The following STARD13 variants were observed in gnomAD, a reference collection of about 807,000 sequenced individuals.
STARD13 encodes stAR-related lipid transfer protein 13.
A neutral mutation model predicts 106.4 loss-of-function variants in STARD13; 62 were observed. The observed-to-expected ratio is 0.58, with a 90% CI of 0.48 to 0.72. STARD13 has a LOEUF of 0.72. Ranked by LOEUF, STARD13 falls within the 30% of genes least tolerant of loss-of-function variation. The pLI is 0.00. For missense variants in STARD13, 1,387 were observed against 1,424.0 expected, an observed-to-expected ratio of 0.97 and a Z score of 0.42; for synonymous variants, 565 against 553.0, an observed-to-expected ratio of 1.02 and a Z score of -0.31.
At chr13:33,218,459 C>T (rs552265606) in intron 1 of STARD13, among the ~76,000 whole-genome samples, 1 of 152,308 alleles carries the variant, frequency 6.6e-6, no homozygotes, top group Admixed American at 6.5e-5. Context: ...TCAATAAACC[C>T]TATGTCTCAT....
chr13:33,463,638 A>C, the STARD13 span, among the ~76,000 whole-genome samples: 1,979 of 152,284 alleles, frequency 0.013, 45 homozygotes, highest in African/African-American at 0.045. Context: ...CACTAGGGTA[A>C]CATAGTTGGA....
rs1201072502 is a variant in STARD13 at position 33,129,045 on chromosome 13, A to T, written c.1632T>A (p.Gly544=). The T allele has an allele frequency of 6.2e-7, 1 of 1,614,082 alleles. No individual in the cohort carries two copies. Among genetic ancestry groups the T allele is most frequent in the Non-Finnish European group, 8.5e-7 (1 of 1,180,018 alleles). Residue 544 remains glycine, a synonymous_variant, in exon 5 of 14, where the codon GGT becomes GGA. Transcript: ENST00000336934. ...LDFEGNSVSE[G]RTTPSDVERD... ...TTTCCACATCACTGGGTGTCGTCCG[A>T]CCTTCTGAGACAGAGTTACCTTCAA... is the stretch of plus-strand genomic sequence containing the variant.
chr13:33,196,883 G>A (rs1886661716), intron 1 of STARD13, among the ~76,000 whole-genome samples: 1 of 152,196 alleles, frequency 6.6e-6, no homozygotes, highest in Non-Finnish European at 1.5e-5. Context: ...GTGTAAAATT[G>A]TCTGGAAGAC....
intron 4 of STARD13, among the ~76,000 whole-genome samples, chr13:33,140,884 G>A (rs1053821326): frequency 9.3e-5 from 14 of 151,184 alleles, no homozygotes; most frequent in Non-Finnish European, 5.9e-5. Flanking sequence ...TCAGCCTCCC[G>A]ATTAGCTGGG....
intron 3 of STARD13, among the ~76,000 whole-genome samples, chr13:33,142,940 G>C (rs1282515947): frequency 6.6e-6 from 1 of 152,192 alleles, no homozygotes. Flanking sequence ...AAGTGATTAA[G>C]GGTAAAGGGG....
chr13:33,455,822 T>C, the STARD13 span, among the ~76,000 whole-genome samples: 4 of 152,004 alleles, frequency 2.6e-5, no homozygotes, highest in African/African-American at 9.7e-5. Flanking sequence ...CGTGCATCTG[T>C]AGTCCCAGCT....
the STARD13 span, among the ~76,000 whole-genome samples, chr13:33,668,379 A>G: frequency 6.6e-6 from 1 of 152,232 alleles, no homozygotes; most frequent in Non-Finnish European, 1.5e-5. Flanking sequence ...ATGATGTCTT[A>G]GTTTCACTTC....
chr13:33,541,178 A>G, the STARD13 span, among the ~76,000 whole-genome samples: 1 of 152,212 alleles, frequency 6.6e-6, no homozygotes, highest in Non-Finnish European at 1.5e-5. Context: ...AGTCGAAAAA[A>G]AAAAGTAAGC....
intron 1 of STARD13, among the ~76,000 whole-genome samples, chr13:33,229,225 G>A (rs1888779541): frequency 1.3e-5 from 2 of 152,172 alleles, no homozygotes; most frequent in South Asian, 4.1e-4. Flanking sequence ...TAAGGCAGAT[G>A]GGCTGAAAAG....
At chr13:33,128,239 T>A (rs1877541709) in intron 5 of STARD13, among the ~76,000 whole-genome samples, 1 of 152,106 alleles carries the variant, frequency 6.6e-6, no homozygotes, top group Admixed American at 6.6e-5. Flanking sequence ...AGCTGTCGAA[T>A]GTCTAGGGCT....
intron 1 of STARD13, among the ~76,000 whole-genome samples, chr13:33,244,329 C>T (rs928898055): frequency 6.6e-6 from 1 of 151,880 alleles, no homozygotes; most frequent in African/African-American, 2.4e-5. Flanking sequence ...AATAGTAAAG[C>T]GACACTGGAA....
intron 1 of STARD13, chr13:33,333,569 G>C (rs1050647984): frequency 6.6e-6 from 1 of 152,208 alleles, no homozygotes; most frequent in Non-Finnish European, 1.5e-5. Flanking sequence ...GCTGACAGGT[G>C]CACCAAACAC....
At chr13:33,499,495 C>CCTTCTTCTT in the STARD13 span, among the ~76,000 whole-genome samples, 1 of 75,068 alleles carries the variant, frequency 1.3e-5, no homozygotes. Flanking sequence ...AGTCTTTTCT[C>CCTTCTTCTT]CTTCTTCTTC....
the STARD13 span, among the ~76,000 whole-genome samples, chr13:33,477,925 T>C: frequency 1.3e-4 from 20 of 152,322 alleles, no homozygotes; most frequent in Non-Finnish European, 2.6e-4. Flanking sequence ...TCCCAGATTG[T>C]TAAGGAACTG....
chr13:33,115,036 C>T (rs1279389193), intron 8 of STARD13, among the ~76,000 whole-genome samples: 2 of 152,006 alleles, frequency 1.3e-5, no homozygotes, highest in Admixed American at 6.6e-5. Context: ...AATTCAGATT[C>T]CTGTGGATTC....
chr13:33,110,037 T>G lies in STARD13; in HGVS notation c.2883A>C (p.Ala961=). The G allele has an allele frequency of 6.2e-7, 1 of 1,614,048 alleles. No homozygotes were observed. The change falls in exon 12 of 14, where the codon GCA becomes GCC. Residue 961 remains alanine (A), a synonymous_variant. Transcript: ENST00000336934. ...CGCGGTTCAGGACCACTGAGGGGGGTGCTTCCACCTCCACAGAAGCCTTCC... is the reference window on the plus strand; with the variant it reads ...CGCGGTTCAGGACCACTGAGGGGGGGGCTTCCACCTCCACAGAAGCCTTCC... The part of the protein sequence containing the change: ...KLWKASVEVE[A]PPSVVLNRVL...
At chr13:33,256,503 A>G (rs1055962947) in intron 1 of STARD13, among the ~76,000 whole-genome samples, 1 of 152,222 alleles carries the variant, frequency 6.6e-6, no homozygotes, top group African/African-American at 2.4e-5. Flanking sequence ...CTAGCAAACT[A>G]TTCATCCCAA....
intron 7 of STARD13, among the ~76,000 whole-genome samples, chr13:33,123,167 C>T (rs1020479808): frequency 2.0e-5 from 3 of 151,694 alleles, no homozygotes; most frequent in African/African-American, 4.8e-5. Flanking sequence ...GACAAACAGC[C>T]AGCGGGGGCA....
chr13:33,522,913 G>C, the STARD13 span, among the ~76,000 whole-genome samples: 2 of 152,154 alleles, frequency 1.3e-5, no homozygotes, highest in African/African-American at 4.8e-5. Context: ...TGCCTTGCAG[G>C]GCTGTTGTAA....
Sources: allele counts gnomAD v4.1 joint callset (sites outside exome capture counted in the v4.1 genomes callset), GRCh38; gene constraint gnomAD v4.1.1; transcripts MANE v1.5; gene names NCBI Gene and HGNC (gene_info 2026-07-23, HGNC 2026-07-21).